The following TOX2 variants were observed in gnomAD, a reference collection of about 807,000 sequenced individuals.
TOX2 encodes the protein granulosa cell HMG box 1.
TOX2 carries 15 observed loss-of-function variants against 47.4 expected under a neutral mutation model. That is an observed-to-expected ratio of 0.32 (90% CI 0.21 to 0.49). The LOEUF (loss-of-function observed/expected upper bound fraction) is 0.49. Among genes scored for constraint, TOX2 ranks in the 20% least tolerant of loss-of-function variants. The pLI, the probability that TOX2 is intolerant of heterozygous loss-of-function variation, is 0.99. For synonymous variants in TOX2, 290 were observed against 296.6 expected, an observed-to-expected ratio of 0.98 and a Z score of 0.23; for missense variants, 622 against 673.1, an observed-to-expected ratio of 0.92 and a Z score of 0.84.
intron 1 of TOX2, among the ~76,000 whole-genome samples, chr20:43,971,337 C>T (rs997562650): frequency 7.9e-5 from 12 of 152,138 alleles, no homozygotes; most frequent in Non-Finnish European, 1.5e-4. Context: ...ACAGGGACTT[C>T]GGAACAAAGA....
chr20:43,946,518 G>A (rs1434227587), intron 1 of TOX2, among the ~76,000 whole-genome samples: 1 of 152,160 alleles, frequency 6.6e-6, no homozygotes, highest in African/African-American at 2.4e-5. Flanking sequence ...AGGAATACCC[G>A]AGCTGCCTCT....
chr20:43,974,751 AG>A (rs2070044821), intron 2 of TOX2, among the ~76,000 whole-genome samples: 1 of 152,228 alleles, frequency 6.6e-6, no homozygotes. Flanking sequence ...CTGTGGCCCT[AG>A]GGGGCACTAC....
rs560233933 is a variant in TOX2, at chr20:43,991,066, G to A, written c.166-15481G>A. ...AGGAGCACAGGCATGAATTGAATTT[G>A]ATTTTTAAAATCCCTTGATCCAATT... On this transcript the variant is annotated intron_variant, in intron 2 of 8. Transcript: ENST00000341197. 2.4e-4 allele frequency among the ~76,000 whole-genome samples: 37 copies of A among 152,294 alleles called. No individual in the cohort carries two copies. The South Asian group carries it at 7.7e-3, about 32-fold the overall frequency.
chr20:43,952,629 A>G (rs1437521690), intron 1 of TOX2, among the ~76,000 whole-genome samples: 1 of 152,180 alleles, frequency 6.6e-6, no homozygotes, highest in Admixed American at 6.6e-5. Flanking sequence ...CATTGGTCTA[A>G]ACTAGACGCA....
At position 43,938,409 on chromosome 20, in the gene TOX2, C is replaced by G. The variant is rs535006230; in HGVS notation, c.99+23419C>G. 6.6e-5 allele frequency among the ~76,000 whole-genome samples: 10 copies of G among 152,272 alleles called. No homozygotes were observed. In the South Asian group the frequency reaches 2.1e-3, roughly 32 times the overall value. ...CATTCAACCTCAGATTTTATTATTA[C>G]TTAATAGTAAAATGCTTGTCCCGGA... On this transcript the variant is annotated intron_variant, in intron 1 of 8. Transcript: ENST00000341197.
At chr20:43,990,799 A>G (rs941541661) in intron 2 of TOX2, among the ~76,000 whole-genome samples, 2 of 152,166 alleles carry the variant, frequency 1.3e-5, no homozygotes, top group African/African-American at 4.8e-5. Flanking sequence ...GGCACTCATG[A>G]GGACCATTCT....
In TOX2 at chr20:43,969,661, A is replaced by C. The variant is rs183346911; in HGVS notation, c.100-3706A>C. Among the ~76,000 whole-genome samples the C allele has an allele frequency of 4.8e-3, 731 of 152,274 alleles. 2 individuals are homozygous for C. Among genetic ancestry groups the C allele is most frequent in the African/African-American group, 0.017 (694 of 41,560 alleles). On this transcript the variant is annotated intron_variant, in intron 1 of 8. Transcript: ENST00000341197. ...GGGCAAAGAACAGGCCTCCCCGCCC[A>C]CTCAGGGCCTCTGCTCACTGCTGCT...
At chr20:44,036,402 C>T (rs991358599) in intron 3 of TOX2, among the ~76,000 whole-genome samples, 1 of 152,218 alleles carries the variant, frequency 6.6e-6, no homozygotes. Flanking sequence ...GTGCCGCCTA[C>T]GGCCAAATGA....
At chr20:43,927,628 CTT>C (rs1244129239) in intron 1 of TOX2, among the ~76,000 whole-genome samples, 11 of 141,794 alleles carry the variant, frequency 7.8e-5, no homozygotes, top group African/African-American at 1.9e-4. Flanking sequence ...TTCCTTCCTC[CTT>C]CCTTCCTTCC....
In TOX2 at chr20:44,066,842, G is replaced by A. The variant is rs768749445; in HGVS notation, c.1469G>A (p.Gly490Asp). 6.2e-7 allele frequency: 1 copy of A among 1,613,904 alleles called. No individual in the cohort carries two copies. Among genetic ancestry groups the A allele is most frequent in the Non-Finnish European group, 8.5e-7 (1 of 1,179,884 alleles). ...AGCAGCTACCCCAGTGGGGAGTGTGGCATCAGCACCTGCAGGTTAGTCCTC... is the reference window on the plus strand; with the variant it reads ...AGCAGCTACCCCAGTGGGGAGTGTGACATCAGCACCTGCAGGTTAGTCCTC... The part of the protein sequence containing the change: ...WDSSYPSGEC[G>D]ISTCSLLPRD... The change falls in exon 8 of 9, where the codon GGC (glycine) becomes GAC (aspartate). Residue 490 changes from glycine to aspartate, a missense_variant. Physicochemically the swap from Gly to Asp is moderately conservative, Grantham distance 94 (BLOSUM62 -1). Transcript: ENST00000341197.
rs1954401434 is a variant in TOX2 at position 43,916,281 on chromosome 20, C to A, written c.99+1291C>A. 1.0e-6 allele frequency: 1 copy of A among 960,892 alleles called. No homozygotes were observed. The highest frequency in any genetic ancestry group is 1.2e-6 in the Non-Finnish European group (1 of 807,478). 59.5% of individuals were successfully genotyped at this position (960,892 alleles called of 1,614,324 possible). On this transcript the variant is annotated intron_variant, in intron 1 of 8. Coordinates refer to ENST00000341197, the MANE Select transcript of TOX2 (RefSeq NM_001098797.2). The surrounding 1 kb of genome is among the most constrained non-coding windows in gnomAD (Gnocchi z 5.0). ...CCAACCTCGCAGGCTTTTCGTCAGGCCCCTGGTAGTGGGGATGAGGCAGGA... is the reference window on the plus strand; with the variant it reads ...CCAACCTCGCAGGCTTTTCGTCAGGACCCTGGTAGTGGGGATGAGGCAGGA...
chr20:43,926,172 A>G (rs1458147879), intron 1 of TOX2, among the ~76,000 whole-genome samples: 1 of 152,150 alleles, frequency 6.6e-6, no homozygotes, highest in East Asian at 1.9e-4. Context: ...TTTGGCTTGA[A>G]CTGAACTTTA....
chr20:44,018,156 A>C (rs370826299), intron 3 of TOX2, among the ~76,000 whole-genome samples: 1 of 152,238 alleles, frequency 6.6e-6, no homozygotes, highest in Non-Finnish European at 1.5e-5. Context: ...TCATATGTGC[A>C]TGGACCTCCC....
At chr20:44,005,174 A>G (rs1201617081) in intron 2 of TOX2, among the ~76,000 whole-genome samples, 1 of 152,236 alleles carries the variant, frequency 6.6e-6, no homozygotes, top group Non-Finnish European at 1.5e-5. Context: ...GTTCTGGAAC[A>G]TTCTCAACTA....
At chr20:43,934,827 T>C (rs1446814647) in intron 1 of TOX2, among the ~76,000 whole-genome samples, 2 of 151,626 alleles carry the variant, frequency 1.3e-5, no homozygotes, top group Non-Finnish European at 2.9e-5. Context: ...TGTGTGTGTA[T>C]GTGGGGGTGT....
chr20:44,047,342 G>A (rs1336985954), intron 3 of TOX2, among the ~76,000 whole-genome samples: 1 of 152,122 alleles, frequency 6.6e-6, no homozygotes, highest in Non-Finnish European at 1.5e-5. Flanking sequence ...TCCTGCCCTA[G>A]ATGTTTCTGT....
intron 3 of TOX2, chr20:44,038,932 C>T (rs2071284991): frequency 8.5e-7 from 1 of 1,182,474 alleles, no homozygotes; most frequent in African/African-American, 1.6e-5. Context: ...TCACAGCCGC[C>T]TCGTTCCTGC....
chr20:44,017,601 C>T (rs192702323), intron 3 of TOX2, among the ~76,000 whole-genome samples: 1 of 152,204 alleles, frequency 6.6e-6, no homozygotes, highest in African/African-American at 2.4e-5. Context: ...ACCTTGTATC[C>T]TCTCAGTGAA....
At chr20:44,001,106 C>G (rs1260136837) in intron 2 of TOX2, among the ~76,000 whole-genome samples, 1 of 152,154 alleles carries the variant, frequency 6.6e-6, no homozygotes, top group Admixed American at 6.5e-5. Context: ...ACTGGCAAAG[C>G]TCTTACGACT....
Sources: gnomAD v4.1 joint callset for allele counts (sites outside exome capture counted in the v4.1 genomes callset) on GRCh38, gnomAD v4.1.1 for gene constraint, Gnocchi (gnomAD v3.1) non-coding constraint, MANE v1.5 for transcripts, NCBI Gene and HGNC (gene_info 2026-07-23, HGNC 2026-07-21) for gene names.